The following ERC2 variants were observed in gnomAD, a reference collection of about 807,000 sequenced individuals.
ERC2 encodes ERC protein 2.
Under a neutral mutation model 114.8 loss-of-function variants are expected in ERC2, and 42 were observed. That is an observed-to-expected ratio of 0.37 (90% CI 0.29 to 0.47). The LOEUF is 0.47. ERC2 is among the 20% of genes least tolerant of loss of function. The pLI is 0.99. For missense variants in ERC2, 939 were observed against 1,150.7 expected (o/e 0.82, Z 2.66); for synonymous variants, 454 against 425.5 (o/e 1.07, Z -0.82).
chr3:55,926,973 G>A (rs906785443), intron 13 of ERC2, among the ~76,000 whole-genome samples: 1 of 152,050 alleles, frequency 6.6e-6, no homozygotes, highest in African/African-American at 2.4e-5. Context: ...TTGTTTTTGT[G>A]CAGTTAGTTA....
chr3:56,178,748 G>GC (rs1553865109), intron 3 of ERC2, among the ~76,000 whole-genome samples: 1 of 151,186 alleles, frequency 6.6e-6, no homozygotes, highest in Non-Finnish European at 1.5e-5. Flanking sequence ...ATAGTTGTTT[G>GC]TTTTTTTTTA....
chr3:56,202,772 T>A (rs1021553589), intron 3 of ERC2, among the ~76,000 whole-genome samples: 9 of 152,026 alleles, frequency 5.9e-5, no homozygotes, highest in Non-Finnish European at 8.8e-5. Flanking sequence ...AGGGGACAAA[T>A]TTTCAGTTAT....
chr3:55,817,306 T>C (rs181844217), intron 14 of ERC2, among the ~76,000 whole-genome samples: 1 of 152,322 alleles, frequency 6.6e-6, no homozygotes, highest in East Asian at 1.9e-4. Flanking sequence ...AAGCTTTTAG[T>C]GTTTCACATC....
intron 1 of ERC2, among the ~76,000 whole-genome samples, chr3:56,443,958 ATTTT>A (rs11343406): frequency 6.2e-4 from 50 of 80,236 alleles, no homozygotes; most frequent in African/African-American, 2.4e-3. Flanking sequence ...AATACCTACA[ATTTT>A]TTTTTTTTTT....
chr3:56,107,528 T>A (rs9881126), intron 6 of ERC2, among the ~76,000 whole-genome samples: 26,081 of 152,014 alleles, frequency 0.17, 2,443 homozygotes, highest in African/African-American at 0.23. Flanking sequence ...GAAAAAATGA[T>A]GGGCTCTCAA....
chr3:56,138,340 G>A (rs572474090), intron 6 of ERC2, among the ~76,000 whole-genome samples: 2 of 152,282 alleles, frequency 1.3e-5, no homozygotes, highest in South Asian at 2.1e-4. Flanking sequence ...GATTACAGGC[G>A]TGAGCCACCG....
At chr3:55,944,557 A>G (rs2149432833) in intron 13 of ERC2, among the ~76,000 whole-genome samples, 1 of 152,370 alleles carries the variant, frequency 6.6e-6, no homozygotes, top group East Asian at 1.9e-4. Flanking sequence ...AAAACTCCAC[A>G]TATAACAGTT....
At chr3:55,899,972 G>A (rs998361125) in intron 13 of ERC2, among the ~76,000 whole-genome samples, 4 of 152,244 alleles carry the variant, frequency 2.6e-5, no homozygotes, top group Non-Finnish European at 4.4e-5. Flanking sequence ...GGACAGGTAT[G>A]AAGCAGTCCT....
intron 1 of ERC2, among the ~76,000 whole-genome samples, chr3:56,466,447 G>A (rs2063548296): frequency 2.0e-5 from 3 of 152,160 alleles, no homozygotes; most frequent in South Asian, 4.1e-4. Context: ...ACCCGTGAAA[G>A]TCTTGCTGGT....
chr3:56,015,148 A>C (rs1419908585), intron 8 of ERC2, among the ~76,000 whole-genome samples: 3 of 152,176 alleles, frequency 2.0e-5, no homozygotes, highest in Non-Finnish European at 4.4e-5. Context: ...AAATAAGGTA[A>C]CTCAATGTCA....
At chr3:56,400,022 C>CAAA (rs562408516) in intron 2 of ERC2, among the ~76,000 whole-genome samples, 3 of 139,946 alleles carry the variant, frequency 2.1e-5, no homozygotes, top group Non-Finnish European at 3.2e-5. Flanking sequence ...AAGCAAATTT[C>CAAA]AAAAAAAAAA....
intron 14 of ERC2, among the ~76,000 whole-genome samples, chr3:55,824,397 A>T (rs886927418): frequency 6.6e-6 from 1 of 152,172 alleles, no homozygotes; most frequent in Non-Finnish European, 1.5e-5. Context: ...GTTAACCTGG[A>T]CCTTCCTTGG....
chr3:56,350,730 A>G (rs2058522527), intron 2 of ERC2, among the ~76,000 whole-genome samples: 1 of 152,218 alleles, frequency 6.6e-6, no homozygotes, highest in African/African-American at 2.4e-5. Flanking sequence ...AAAGGAGAGC[A>G]TGGAAACAGG....
chr3:55,614,092 A>G lies in ERC2; in HGVS notation c.*39+69702T>C, dbSNP rs150335684. Among the ~76,000 whole-genome samples, 173 of 151,032 alleles carry G rather than the reference A, an allele frequency of 1.1e-3. 1 individual carries two copies. Among genetic ancestry groups the G allele is most frequent in the East Asian group, 3.9e-3 (20 of 5,098 alleles). On this transcript the variant is annotated intron_variant, in intron 17 of 17. Coordinates refer to ENST00000288221, the MANE Select transcript of ERC2 (RefSeq NM_015576.3). ...GCCCACACTTCATAGACTTCTGTTCACTGTTGATAAAATGAACAGATCAGC... is the reference window on the plus strand; with the variant it reads ...GCCCACACTTCATAGACTTCTGTTCGCTGTTGATAAAATGAACAGATCAGC...
chr3:56,372,481 A>G (rs2059392960), intron 2 of ERC2, among the ~76,000 whole-genome samples: 1 of 152,136 alleles, frequency 6.6e-6, no homozygotes. Context: ...TAATTCCAAC[A>G]CTTTGGGAGG....
intron 17 of ERC2, among the ~76,000 whole-genome samples, chr3:55,547,621 C>A (rs1312896030): frequency 1.3e-5 from 2 of 152,186 alleles, no homozygotes; most frequent in Non-Finnish European, 2.9e-5. Context: ...CGTAGGAGAG[C>A]TTTGCTCAGT....
intron 14 of ERC2, among the ~76,000 whole-genome samples, chr3:55,808,435 G>T (rs2059572936): frequency 6.6e-6 from 1 of 151,904 alleles, no homozygotes; most frequent in Admixed American, 6.6e-5. Flanking sequence ...ATTTACATCT[G>T]TAACTATTTT....
chr3:55,699,594 T>G, intron 15 of ERC2, 82 bp from the exon 16 acceptor site: 1 of 1,405,492 alleles, frequency 7.1e-7, no homozygotes, highest in East Asian at 2.4e-5. Flanking sequence ...TTACAGTACC[T>G]ATAGGGATCC....
chr3:56,236,573 G>C (rs1290230116), intron 3 of ERC2, among the ~76,000 whole-genome samples: 2 of 152,160 alleles, frequency 1.3e-5, no homozygotes, highest in African/African-American at 4.8e-5. Context: ...TTTGAGAGTT[G>C]TTTCAGATCC....
Sources: allele counts gnomAD v4.1 joint callset (sites outside exome capture counted in the v4.1 genomes callset), GRCh38; gene constraint gnomAD v4.1.1; transcripts MANE v1.5; gene names NCBI Gene and HGNC (gene_info 2026-07-23, HGNC 2026-07-21).